Variants in BRINP3 observed in about 807,000 individuals in gnomAD.
BRINP3 encodes the protein BMP/retinoic acid-inducible neural-specific protein 3.
BRINP3 carries 19 observed loss-of-function variants against 71.0 expected under a neutral mutation model. The ratio of observed to expected loss-of-function variants is 0.27; its 90% CI spans 0.19 to 0.39. The LOEUF (loss-of-function observed/expected upper bound fraction) is 0.39. Ranked by LOEUF, BRINP3 falls within the 10% of genes least tolerant of loss-of-function variation. The pLI is 1.00. For missense variants in BRINP3, 959 were observed against 940.8 expected, an observed-to-expected ratio of 1.02 and a Z score of -0.25; for synonymous variants, 380 against 337.7, an observed-to-expected ratio of 1.13 and a Z score of -1.37.
At chr1:190,370,225 A>T (rs1177131613) in intron 2 of BRINP3, among the ~76,000 whole-genome samples, 2 of 152,222 alleles carry the variant, frequency 1.3e-5, no homozygotes, top group African/African-American at 4.8e-5. Context: ...TAAATAAGTC[A>T]ATTAGATAAA....
intron 6 of BRINP3, among the ~76,000 whole-genome samples, chr1:190,212,059 TATC>T (rs1656034802): frequency 6.6e-6 from 1 of 152,134 alleles, no homozygotes; most frequent in South Asian, 2.1e-4. Context: ...ACCATAACGA[TATC>T]ATGTAAATCA....
intron 7 of BRINP3, among the ~76,000 whole-genome samples, chr1:190,100,208 C>A (rs1651581966): frequency 6.6e-6 from 1 of 152,144 alleles, no homozygotes; most frequent in South Asian, 2.1e-4. Flanking sequence ...AGATACACAA[C>A]AATTCCATTT....
intron 5 of BRINP3, among the ~76,000 whole-genome samples, chr1:190,233,369 T>A (rs1302532191): frequency 1.3e-5 from 2 of 152,032 alleles, no homozygotes; most frequent in Non-Finnish European, 2.9e-5. Context: ...ATATTGTTTT[T>A]TAGGTCTCAC....
At chr1:190,151,927 T>C (rs1251605822) in intron 7 of BRINP3, among the ~76,000 whole-genome samples, 4 of 152,176 alleles carry the variant, frequency 2.6e-5, no homozygotes, top group Admixed American at 6.5e-5. Flanking sequence ...AGCACATACT[T>C]GGACAATTTA....
chr1:190,263,187 G>C (rs886920510), intron 4 of BRINP3, among the ~76,000 whole-genome samples: 4 of 152,028 alleles, frequency 2.6e-5, no homozygotes, highest in Non-Finnish European at 5.9e-5. Context: ...TTGATTTCTG[G>C]AAAAGTTTAG....
At chr1:190,358,291 A>G (rs577695408) in intron 2 of BRINP3, among the ~76,000 whole-genome samples, 1 of 152,314 alleles carries the variant, frequency 6.6e-6, no homozygotes, top group South Asian at 2.1e-4. Context: ...CAGAATCTAC[A>G]ATGAACTCAA....
At chr1:190,361,543 C>T (rs1433537257) in intron 2 of BRINP3, among the ~76,000 whole-genome samples, 1 of 152,024 alleles carries the variant, frequency 6.6e-6, no homozygotes, top group Non-Finnish European at 1.5e-5. Flanking sequence ...GCTGGGACTA[C>T]AGACACACAT....
At position 190,448,611 on chromosome 1, in the gene BRINP3, T is replaced by A. The variant is rs1226377764; in HGVS notation, c.236+6044A>T. Among the ~76,000 whole-genome samples, 4 of 151,880 alleles carry A rather than the reference T, an allele frequency of 2.6e-5. No individual in the cohort carries two copies. The East Asian group carries it at 7.7e-4, about 29-fold the overall frequency. ...TTACTATTCATTGTATAGTGATATA[T>A]GGCATTAAAGAAAATCGATTATCTT... On this transcript the variant is annotated intron_variant, in intron 2 of 7. Coordinates refer to ENST00000367462, the MANE Select transcript of BRINP3 (RefSeq NM_199051.3).
At chr1:190,453,203 A>ATTTTTTTT (rs1190785225) in intron 2 of BRINP3, among the ~76,000 whole-genome samples, 953 of 40,848 alleles carry the variant, frequency 0.023, 291 homozygotes, top group Non-Finnish European at 0.029. Context: ...AAACTTTAGT[A>ATTTTTTTT]TTTTTTTTTT....
intron 2 of BRINP3, among the ~76,000 whole-genome samples, chr1:190,409,292 C>A (rs1672502097): frequency 6.6e-6 from 1 of 151,946 alleles, no homozygotes; most frequent in African/African-American, 2.4e-5. Context: ...TAGAAGGAAA[C>A]AGCATTATTT....
intron 2 of BRINP3, among the ~76,000 whole-genome samples, chr1:190,367,106 A>T (rs917998039): frequency 1.3e-5 from 2 of 152,088 alleles, no homozygotes; most frequent in Non-Finnish European, 2.9e-5. Flanking sequence ...GGGGGCTCCA[A>T]CCTCACATTT....
chr1:190,212,836 A>T (rs1656100500), intron 6 of BRINP3, among the ~76,000 whole-genome samples: 1 of 152,114 alleles, frequency 6.6e-6, no homozygotes, highest in Non-Finnish European at 1.5e-5. Flanking sequence ...TGCTGAGAAG[A>T]GACTCCAGCT....
rs1472012045 is a variant in BRINP3, at chr1:190,098,561, C to A, written c.1758G>T (p.Met586Ile). Reference protein sequence around the residue: ...FGGSHSESWFMPVNENSFPDW... With the variant: ...FGGSHSESWFIPVNENSFPDW... ...CTGGAAAGCTGTTTTCATTCACAGG[C>A]ATAAACCAGCTCTCAGAGTGGCTGC... is the stretch of plus-strand genomic sequence containing the variant. The change falls in exon 8 of 8, where the codon ATG (methionine) becomes ATT (isoleucine). Residue 586 changes from methionine (M) to isoleucine (I), a missense_variant. Transcript: ENST00000367462. 4 of 1,614,190 alleles carry A rather than the reference C, an allele frequency of 2.5e-6. No homozygotes were observed. Among genetic ancestry groups the A allele is most frequent in the Admixed American group, 1.7e-5 (1 of 60,024 alleles).
At chr1:190,233,088 A>C (rs1303775797) in intron 5 of BRINP3, among the ~76,000 whole-genome samples, 1 of 152,060 alleles carries the variant, frequency 6.6e-6, no homozygotes, top group Non-Finnish European at 1.5e-5. Context: ...AAACAATTCA[A>C]TGTTATTACA....
intron 4 of BRINP3, among the ~76,000 whole-genome samples, chr1:190,245,211 T>G (rs969505638): frequency 1.3e-5 from 2 of 151,156 alleles, no homozygotes; most frequent in African/African-American, 2.4e-5. Context: ...TTGTTTCAAC[T>G]GGCCATTATA....
chr1:190,302,706 A>G (rs1344953074), intron 2 of BRINP3: 2 of 151,892 alleles, frequency 1.3e-5, no homozygotes, highest in Non-Finnish European at 2.9e-5. Context: ...TCTGCAGGTT[A>G]GTTTTGGGTT....
intron 2 of BRINP3, among the ~76,000 whole-genome samples, chr1:190,350,106 C>T (rs1262060536): frequency 6.6e-6 from 1 of 152,054 alleles, no homozygotes; most frequent in East Asian, 1.9e-4. Context: ...GAGGTACAAA[C>T]AAAACCACGC....
At chr1:190,151,912 C>T (rs1049003696) in intron 7 of BRINP3, among the ~76,000 whole-genome samples, 1 of 152,158 alleles carries the variant, frequency 6.6e-6, no homozygotes, top group African/African-American at 2.4e-5. Context: ...TGACACTGAT[C>T]TCCAAGCACA....
chr1:190,290,135 A>T (rs939200169), intron 2 of BRINP3, among the ~76,000 whole-genome samples: 4 of 152,188 alleles, frequency 2.6e-5, no homozygotes, highest in African/African-American at 9.6e-5. Context: ...AGAGGAATAT[A>T]TTTCTCAATT....
Sources: allele counts gnomAD v4.1 joint callset (sites outside exome capture counted in the v4.1 genomes callset), GRCh38; gene constraint gnomAD v4.1.1; transcripts MANE v1.5; gene names NCBI Gene and HGNC (gene_info 2026-07-23, HGNC 2026-07-21).